The following ANKIB1 variants were observed in gnomAD, a reference collection of about 807,000 sequenced individuals.
ANKIB1 encodes the protein ankyrin repeat and IBR domain containing 1.
In ANKIB1, 43 loss-of-function variants were observed where a neutral mutation model predicts 122.1. The ratio of observed to expected loss-of-function variants is 0.35; its 90% CI spans 0.28 to 0.45. The LOEUF (loss-of-function observed/expected upper bound fraction) is 0.45, where lower values mean the gene tolerates loss of function less well. ANKIB1 is among the 20% of genes least tolerant of loss of function. ANKIB1 has a pLI of 1.00. For synonymous variants in ANKIB1, 390 were observed against 442.0 expected (o/e 0.88, Z 1.48); for missense variants, 992 against 1,329.5 (o/e 0.75, Z 3.95).
At chr7:92,260,202 C>CT (rs1165004914) in intron 1 of ANKIB1, among the ~76,000 whole-genome samples, 1 of 152,156 alleles carries the variant, frequency 6.6e-6, no homozygotes, top group Non-Finnish European at 1.5e-5. Context: ...CCCCTATTCT[C>CT]TTGAGTTCAT....
intron 17 of ANKIB1, 83 bp downstream of exon 17, chr7:92,392,375 C>A: frequency 1.6e-6 from 2 of 1,235,150 alleles, no homozygotes; most frequent in Non-Finnish European, 2.3e-6. Context: ...TATTCTAAAT[C>A]CTTCTGAGAT....
chr7:92,292,626 G>A (rs1397853116), intron 1 of ANKIB1, among the ~76,000 whole-genome samples: 1 of 152,148 alleles, frequency 6.6e-6, no homozygotes, highest in African/African-American at 2.4e-5. Context: ...GTAGTATATT[G>A]TGTATAGTAT....
chr7:92,291,586 T>G (rs1585091462), intron 1 of ANKIB1, among the ~76,000 whole-genome samples: 1 of 149,200 alleles, frequency 6.7e-6, no homozygotes, highest in Non-Finnish European at 1.5e-5. Flanking sequence ...TTTTTTTTTT[T>G]TTGAGACAGA....
chr7:92,339,693 C>A (rs530060615), intron 5 of ANKIB1, among the ~76,000 whole-genome samples: 47 of 152,270 alleles, frequency 3.1e-4, no homozygotes, highest in Middle Eastern at 3.4e-3. Flanking sequence ...TGCATTTTGT[C>A]ACAGTTCTTT....
chr7:92,290,798 T>C (rs1802230165), intron 1 of ANKIB1, among the ~76,000 whole-genome samples: 1 of 152,042 alleles, frequency 6.6e-6, no homozygotes, highest in South Asian at 2.1e-4. Context: ...ATACACTTAT[T>C]TGTGGGAGTT....
intron 5 of ANKIB1, among the ~76,000 whole-genome samples, chr7:92,338,652 C>G (rs1803346492): frequency 6.6e-6 from 1 of 151,432 alleles, no homozygotes; most frequent in African/African-American, 2.4e-5. Flanking sequence ...TGGCTCATGC[C>G]TGTAATCCCA....
intron 1 of ANKIB1, among the ~76,000 whole-genome samples, chr7:92,266,164 TATTTC>T (rs1193880555): frequency 1.3e-5 from 2 of 151,970 alleles, no homozygotes; most frequent in Non-Finnish European, 2.9e-5. Context: ...AACAGGGAAG[TATTTC>T]AGAAAGGAGG....
At chr7:92,374,133 CAA>C (rs1026788647) in intron 11 of ANKIB1, among the ~76,000 whole-genome samples, 17 of 152,074 alleles carry the variant, frequency 1.1e-4, no homozygotes, top group Admixed American at 1.1e-3. Flanking sequence ...AATAACATTC[CAA>C]AAAATAGAAA....
At chr7:92,307,806 C>CTAT in intron 3 of ANKIB1, 150 bp downstream of exon 3, 2 of 346,198 alleles carry the variant, frequency 5.8e-6, no homozygotes, top group Non-Finnish European at 9.3e-6. Context: ...AATAAAGGGC[C>CTAT]TCTTTTTTTT....
At chr7:92,395,877 A>C (rs1585143332) in intron 17 of ANKIB1, 1 of 156,700 alleles carries the variant, frequency 6.4e-6, no homozygotes, top group Admixed American at 6.5e-5. Context: ...ATCCAGTTTC[A>C]ATGGCTCACA....
At chr7:92,390,150 AGTT>A (rs769136131) in intron 15 of ANKIB1, 34 bp downstream of exon 15, 151 of 1,465,898 alleles carry the variant, frequency 1.0e-4, no homozygotes, top group Non-Finnish European at 1.3e-4. Flanking sequence ...AAATGGCAGC[AGTT>A]ATTATGAAAT....
intron 7 of ANKIB1, among the ~76,000 whole-genome samples, chr7:92,348,171 A>G (rs1803580570): frequency 6.6e-6 from 1 of 152,164 alleles, no homozygotes; most frequent in East Asian, 1.9e-4. Context: ...TCTGTAATTT[A>G]ATTCCCCAGA....
At chr7:92,281,949 A>G (rs1225720546) in intron 1 of ANKIB1, among the ~76,000 whole-genome samples, 2 of 152,232 alleles carry the variant, frequency 1.3e-5, no homozygotes, top group Non-Finnish European at 2.9e-5. Flanking sequence ...GTGTAAACAT[A>G]GAATTCACTT....
At chr7:92,257,138 C>T (rs780593734) in intron 1 of ANKIB1, among the ~76,000 whole-genome samples, 3 of 148,210 alleles carry the variant, frequency 2.0e-5, no homozygotes, top group East Asian at 2.0e-4. Context: ...TGCAGTGAGC[C>T]GAGTAGATCG....
At chr7:92,351,116 C>T (rs1454499280) in intron 8 of ANKIB1, 22 bp downstream of exon 8, 42 of 1,469,376 alleles carry the variant, frequency 2.9e-5, no homozygotes, top group Non-Finnish European at 3.5e-5. Context: ...TGCCAATTAT[C>T]TGTCCAATTT....
chr7:92,398,768 G>A lies in ANKIB1; in HGVS notation c.3089G>A (p.Ser1030Asn). ...EDSMFEDASV[S>N]EGRGTQIEEN... ...TCAATGTTTGAAGATGCCAGTGTCAGTGAAGGTAGAGGAACCCAGATAGAA... is the reference window on the plus strand; with the variant it reads ...TCAATGTTTGAAGATGCCAGTGTCAATGAAGGTAGAGGAACCCAGATAGAA... The change falls in exon 20 of 20, where the codon AGT becomes AAT. Residue 1030 changes from serine (S) to asparagine (N), a missense_variant. Around this residue, in one of 4 missense-constraint regions of ANKIB1, gnomAD observed 384 missense variants for 412.0 expected, o/e 0.93. Coordinates refer to ENST00000265742, the MANE Select transcript of ANKIB1 (RefSeq NM_019004.2). The A allele has an allele frequency of 6.2e-7, 1 of 1,613,342 alleles. No homozygotes were observed. Among genetic ancestry groups the A allele is most frequent in the Non-Finnish European group, 8.5e-7 (1 of 1,179,656 alleles).
intron 1 of ANKIB1, among the ~76,000 whole-genome samples, chr7:92,249,807 A>G (rs900117263): frequency 2.0e-5 from 3 of 152,008 alleles, no homozygotes; most frequent in Admixed American, 2.0e-4. Flanking sequence ...TACATACGTT[A>G]TCTCATTTAA....
intron 1 of ANKIB1, among the ~76,000 whole-genome samples, chr7:92,278,363 TCAG>T (rs1801948068): frequency 6.6e-6 from 1 of 152,204 alleles, no homozygotes; most frequent in Non-Finnish European, 1.5e-5. Flanking sequence ...AATCATAGGC[TCAG>T]CAGTCGGTTT....
chr7:92,391,752 G>A (rs901856026), intron 16 of ANKIB1, among the ~76,000 whole-genome samples: 4 of 152,066 alleles, frequency 2.6e-5, no homozygotes, highest in Non-Finnish European at 5.9e-5. Flanking sequence ...AAGAAGTTGT[G>A]AAGGAAAGAG....
Sources: gnomAD v4.1 joint callset for allele counts (sites outside exome capture counted in the v4.1 genomes callset) on GRCh38, gnomAD v4.1.1 for gene constraint, gnomAD v4.1.1 regional missense constraint, MANE v1.5 for transcripts, NCBI Gene and HGNC (gene_info 2026-07-23, HGNC 2026-07-21) for gene names.